The following RHAG variants were observed in gnomAD, a reference collection of about 807,000 sequenced individuals.
RHAG encodes the protein Rh associated glycoprotein, also known as ammonium transporter Rh type A.
RHAG carries 25 observed loss-of-function variants against 42.4 expected under a neutral mutation model. The observed-to-expected ratio is 0.59, with a 90% CI of 0.43 to 0.82. RHAG has a LOEUF of 0.82. Ranked by LOEUF, RHAG falls within the 40% of genes least tolerant of loss-of-function variation. RHAG has a pLI of 0.00. For synonymous variants in RHAG, 182 were observed against 177.7 expected, an observed-to-expected ratio of 1.02 and a Z score of -0.19; for missense variants, 483 against 504.6, an observed-to-expected ratio of 0.96 and a Z score of 0.41.
chr6:49,631,740 G>A (rs1762939616), intron 1 of RHAG, among the ~76,000 whole-genome samples: 1 of 152,172 alleles, frequency 6.6e-6, no homozygotes, highest in African/African-American at 2.4e-5. Flanking sequence ...CTTTTAAGTA[G>A]GCAAAACTGT....
chr6:49,635,717 C>T (rs1763000491), intron 1 of RHAG, among the ~76,000 whole-genome samples: 1 of 152,000 alleles, frequency 6.6e-6, no homozygotes, highest in Non-Finnish European at 1.5e-5. Flanking sequence ...ATTATTTCTA[C>T]ATGGGAATAC....
intron 1 of RHAG, among the ~76,000 whole-genome samples, chr6:49,630,073 G>A (rs945363083): frequency 6.6e-6 from 1 of 152,236 alleles, no homozygotes; most frequent in Middle Eastern, 3.2e-3. Context: ...CCGAGAGCGA[G>A]CGAGGGCTGT....
rs1562010979 is a variant in RHAG at position 49,605,950 on chromosome 6, A to G, written c.1213-120T>C. The G allele has an allele frequency of 4.6e-6, 4 of 864,916 alleles. No individual in the cohort carries two copies. In the African/African-American group the frequency reaches 6.7e-5, roughly 14 times the overall value. 53.6% of individuals were successfully genotyped at this position (864,916 alleles called of 1,614,324 possible). Reference sequence around the variant, plus strand: ...TTCAAGCTTGGAAAGAACTGGGAATAAAAATTGTTTGAGTTGAAGAAAAAT... The same window carrying G: ...TTCAAGCTTGGAAAGAACTGGGAATGAAAATTGTTTGAGTTGAAGAAAAAT... On this transcript the variant is annotated intron_variant, in intron 9 of 9. Coordinates refer to ENST00000371175, the MANE Select transcript of RHAG (RefSeq NM_000324.3).
At chr6:49,628,865 C>T (rs7753483) in intron 1 of RHAG, among the ~76,000 whole-genome samples, 34,098 of 151,892 alleles carry the variant, frequency 0.22, 4,130 homozygotes, top group African/African-American at 0.32. Flanking sequence ...AAAGAGTGAG[C>T]AGTAGCAAGA....
rs1471711914 is a variant in RHAG, at chr6:49,628,799, G to A, written c.157+7857C>T. ...GCTCGTGGTCTCGCTGGCTTCAGGA[G>A]TGAAGCTGCAGACCTTCACGGTGAG... On this transcript the variant is annotated intron_variant, in intron 1 of 9. Transcript: ENST00000371175. Among the ~76,000 whole-genome samples, 4 of 152,252 alleles carry A rather than the reference G, an allele frequency of 2.6e-5. No individual in the cohort carries two copies. The East Asian group carries it at 7.7e-4, about 29-fold the overall frequency.
intron 4 of RHAG, chr6:49,615,090 G>A (rs148249454): frequency 9.1e-5 from 44 of 482,766 alleles, no homozygotes; most frequent in African/African-American, 7.2e-4. Flanking sequence ...TGGGATTACA[G>A]GTGCGGGCTA....
chr6:49,619,280 C>T lies in RHAG; in HGVS notation c.240G>A (p.Val80=), dbSNP rs1044674404. The change falls in exon 2 of 10, where the codon GTG becomes GTA. Residue 80 remains valine (V), a synonymous_variant. Coordinates refer to ENST00000371175, the MANE Select transcript of RHAG (RefSeq NM_000324.3). ...AAGCAGCAACGAGTAGGTTGATACCCACACTGCTGAAGCCATATTTCTTCA... is the reference window on the plus strand; with the variant it reads ...AAGCAGCAACGAGTAGGTTGATACCTACACTGCTGAAGCCATATTTCTTCA... ...TFLKKYGFSS[V]GINLLVAALG... is the part of the protein sequence containing the mutation. 1 of 1,614,108 alleles carries T rather than the reference C, an allele frequency of 6.2e-7. No homozygotes were observed. The highest frequency in any genetic ancestry group is 8.5e-7 in the Non-Finnish European group (1 of 1,179,996).
At chr6:49,629,811 C>G (rs1385753600) in intron 1 of RHAG, among the ~76,000 whole-genome samples, 2 of 151,986 alleles carry the variant, frequency 1.3e-5, no homozygotes, top group African/African-American at 2.4e-5. Context: ...CCTCATTGCC[C>G]GGGGCCGGCA....
At chr6:49,628,543 T>C (rs1226757165) in intron 1 of RHAG, among the ~76,000 whole-genome samples, 1 of 152,082 alleles carries the variant, frequency 6.6e-6, no homozygotes, top group Non-Finnish European at 1.5e-5. Flanking sequence ...GATGTTCCGA[T>C]GCGTTCGGAG....
intron 6 of RHAG, among the ~76,000 whole-genome samples, chr6:49,611,790 G>A (rs1762573337): frequency 6.6e-6 from 1 of 150,658 alleles, no homozygotes; most frequent in Admixed American, 6.6e-5. Context: ...TGCCCAGGCT[G>A]GAGGGTAATG....
intron 7 of RHAG, among the ~76,000 whole-genome samples, chr6:49,608,256 G>A (rs1410468820): frequency 6.6e-6 from 1 of 152,056 alleles, no homozygotes; most frequent in Non-Finnish European, 1.5e-5. Flanking sequence ...AGTATTGGTT[G>A]CTTCCAGTGT....
chr6:49,612,390 T>C lies in RHAG; in HGVS notation c.945+7A>G. ...AGAGTTTGACTCAGAACATCTGCTGTACTTACAGTCAGGAACTTGTATCCA... is the reference window on the plus strand; with the variant it reads ...AGAGTTTGACTCAGAACATCTGCTGCACTTACAGTCAGGAACTTGTATCCA... On this transcript the variant is annotated splice_region_variant and intron_variant, in intron 6 of 9. Coordinates refer to ENST00000371175, the MANE Select transcript of RHAG (RefSeq NM_000324.3). 1 of 1,614,134 alleles carries C rather than the reference T, an allele frequency of 6.2e-7. No individual in the cohort carries two copies.
At chr6:49,628,161 CAG>C (rs60784215) in intron 1 of RHAG, among the ~76,000 whole-genome samples, 67,388 of 139,276 alleles carry the variant, frequency 0.48, 15,523 homozygotes, top group East Asian at 0.63. Flanking sequence ...CACACACACA[CAG>C]AGAGAGAGAG....
At chr6:49,621,434 C>G (rs1762757917) in intron 1 of RHAG, among the ~76,000 whole-genome samples, 1 of 152,112 alleles carries the variant, frequency 6.6e-6, no homozygotes, top group Admixed American at 6.5e-5. Flanking sequence ...TTCAGAGCCT[C>G]CTGAAGGGTC....
intron 9 of RHAG, among the ~76,000 whole-genome samples, chr6:49,606,514 T>A (rs1368737668): frequency 6.6e-6 from 1 of 152,130 alleles, no homozygotes; most frequent in Non-Finnish European, 1.5e-5. Flanking sequence ...GGGCACATCA[T>A]CTCAATTTCT....
chr6:49,606,159 G>A (rs370203730), intron 9 of RHAG, among the ~76,000 whole-genome samples: 10 of 152,074 alleles, frequency 6.6e-5, no homozygotes, highest in South Asian at 2.1e-4. Context: ...CTGATGTTTC[G>A]TTATTCATAG....
At chr6:49,631,032 A>G (rs914436919) in intron 1 of RHAG, among the ~76,000 whole-genome samples, 1 of 152,198 alleles carries the variant, frequency 6.6e-6, no homozygotes, top group Admixed American at 6.5e-5. Flanking sequence ...TTGTTTCACC[A>G]TGATTAGAAT....
At position 49,618,075 on chromosome 6, in the gene RHAG, A is replaced by G. The variant is rs374926938; in HGVS notation, c.485T>C (p.Ile162Thr). 53 of 1,613,766 alleles carry G rather than the reference A, an allele frequency of 3.3e-5. No individual in the cohort carries two copies. The highest frequency in any genetic ancestry group is 4.4e-5 in the Non-Finnish European group (52 of 1,179,832). ...AAATTTTCTAACTCTTACCTTAAAT[A>G]TTTCACTAACCAGGTATTCATTGTG... ...FAHNEYLVSE[I>T]FKASDIGASM... Residue 162 changes from isoleucine to threonine, a missense_variant, in exon 3 of 10, where the codon ATA (isoleucine) becomes ACA (threonine). Coordinates refer to ENST00000371175, the MANE Select transcript of RHAG (RefSeq NM_000324.3).
rs150024430 is a variant in RHAG, at chr6:49,611,035, G to A, written c.1056C>T (p.Gly352=). 83 of 1,613,664 alleles carry A rather than the reference G, an allele frequency of 5.1e-5. No homozygotes were observed. Among genetic ancestry groups the A allele is most frequent in the African/African-American group, 4.7e-4 (35 of 74,864 alleles). ...GLAGIVAVAM[G]ASNTSMAMQA... ...ATTCTTTTACTCACGTGTTGGAGGCGCCCATTGCTACTGCCACAATGCCTG... is the reference window on the plus strand; with the variant it reads ...ATTCTTTTACTCACGTGTTGGAGGCACCCATTGCTACTGCCACAATGCCTG... The change falls in exon 7 of 10, where the codon GGC becomes GGT. Residue 352 remains glycine, a synonymous_variant. Transcript: ENST00000371175.
Sources: gnomAD v4.1 joint callset for allele counts (sites outside exome capture counted in the v4.1 genomes callset) on GRCh38, gnomAD v4.1.1 for gene constraint, MANE v1.5 for transcripts, NCBI Gene and HGNC (gene_info 2026-07-23, HGNC 2026-07-21) for gene names.